Variants in ARHGAP22 observed in about 807,000 individuals in gnomAD.
The protein encoded by ARHGAP22 is rho GTPase-activating protein 22.
ARHGAP22 carries 48 observed loss-of-function variants against 59.1 expected under a neutral mutation model. The ratio of observed to expected loss-of-function variants is 0.81; its 90% CI spans 0.64 to 1.03. ARHGAP22 has a LOEUF of 1.03. Ranked by LOEUF, ARHGAP22 falls within the 50% of genes least tolerant of loss-of-function variation. ARHGAP22 has a pLI of 0.00. For missense variants in ARHGAP22, 1,015 were observed against 958.7 expected (o/e 1.06, Z -0.78); for synonymous variants, 445 against 416.4 (o/e 1.07, Z -0.84).
intron 2 of ARHGAP22, among the ~76,000 whole-genome samples, chr10:48,561,509 TA>T (rs1462696199): frequency 2.0e-5 from 3 of 152,054 alleles, no homozygotes; most frequent in Non-Finnish European, 4.4e-5. Flanking sequence ...TCATTTAAAT[TA>T]AAAAAACTGC....
intron 1 of ARHGAP22, among the ~76,000 whole-genome samples, chr10:48,641,444 C>A (rs552860658): frequency 6.6e-6 from 1 of 152,056 alleles, no homozygotes; most frequent in Non-Finnish European, 1.5e-5. Context: ...GTTCAACATA[C>A]GCAAATCAAT....
At chr10:48,516,025 A>C (rs1428606258) in intron 3 of ARHGAP22, among the ~76,000 whole-genome samples, 1 of 151,948 alleles carries the variant, frequency 6.6e-6, no homozygotes, top group African/African-American at 2.4e-5. Flanking sequence ...AAAAAAAACA[A>C]AACAAAAAAC....
At chr10:48,608,395 G>C (rs908360893), upstream of ARHGAP22, among the ~76,000 whole-genome samples, 1 of 152,190 alleles carries the variant, frequency 6.6e-6, no homozygotes, top group African/African-American at 2.4e-5. Flanking sequence ...CAGGGAGGTG[G>C]GGAGGTGTGC....
At chr10:48,627,933 A>G (rs1221894518) in intron 1 of ARHGAP22, among the ~76,000 whole-genome samples, 2 of 152,224 alleles carry the variant, frequency 1.3e-5, no homozygotes, top group African/African-American at 4.8e-5. Context: ...GAAAGGTACT[A>G]TCTATACTTT....
At chr10:48,465,234 A>C (rs1163319075) in intron 4 of ARHGAP22, among the ~76,000 whole-genome samples, 1 of 152,216 alleles carries the variant, frequency 6.6e-6, no homozygotes, top group East Asian at 1.9e-4. Context: ...TTTACAGAGC[A>C]CTGGCTCTGC....
chr10:48,654,199 T>C (rs2062668796), upstream of ARHGAP22, among the ~76,000 whole-genome samples: 1 of 152,202 alleles, frequency 6.6e-6, no homozygotes, highest in Non-Finnish European at 1.5e-5. Flanking sequence ...GTCTGGGTTT[T>C]TTTTTCCAGT....
At chr10:48,527,061 C>T (rs754038149) in intron 3 of ARHGAP22, among the ~76,000 whole-genome samples, 14 of 152,172 alleles carry the variant, frequency 9.2e-5, no homozygotes, top group Non-Finnish European at 1.9e-4. Flanking sequence ...ACAGGACAAC[C>T]GCATGAAGCA....
At chr10:48,486,483 G>C (rs1224650712) in intron 3 of ARHGAP22, among the ~76,000 whole-genome samples, 1 of 152,026 alleles carries the variant, frequency 6.6e-6, no homozygotes, top group Non-Finnish European at 1.5e-5. Flanking sequence ...TGGGATTACA[G>C]GCACGCACAC....
At position 48,519,187 on chromosome 10, in the gene ARHGAP22, G is replaced by A. The variant is rs139591295; in HGVS notation, c.322+36276C>T. Among the ~76,000 whole-genome samples, 497 of 152,250 alleles carry A rather than the reference G, an allele frequency of 3.3e-3. 1 individual carries two copies. The highest frequency in any genetic ancestry group is 0.011 in the African/African-American group (475 of 41,538). ...AATGCTGCAGCAGAACAGCAGAACC[G>A]GTCCTATCACCCAGTCAGTAACAGC... is the stretch of plus-strand genomic sequence containing the variant. On this transcript the variant is annotated intron_variant, in intron 3 of 9. Transcript: ENST00000249601.
Position 48,517,869 on chromosome 10 carries a change from G to C in ARHGAP22, c.322+37594C>G, listed in dbSNP as rs187255129. ...AGTTACGCTTGTTTCCCTCTTTCCA[G>C]ATAAAGAAACTAAAGAAACTGAGGT... On this transcript the variant is annotated intron_variant, in intron 3 of 9. Coordinates refer to ENST00000249601, the MANE Select transcript of ARHGAP22 (RefSeq NM_021226.4). Among the ~76,000 whole-genome samples the C allele has an allele frequency of 1.9e-3, 294 of 152,276 alleles. 1 individual carries two copies. The highest frequency in any genetic ancestry group is 6.9e-3 in the African/African-American group (287 of 41,562).
At chr10:48,646,332 G>A (rs2062296121) in intron 1 of ARHGAP22, among the ~76,000 whole-genome samples, 1 of 152,124 alleles carries the variant, frequency 6.6e-6, no homozygotes. Flanking sequence ...GGAGAAATTG[G>A]CATGCTAATT....
intron 2 of ARHGAP22, among the ~76,000 whole-genome samples, chr10:48,569,784 T>C (rs552255056): frequency 3.2e-4 from 48 of 152,288 alleles, no homozygotes; most frequent in Admixed American, 3.1e-3. Context: ...TTGTAGGCAG[T>C]ATAGCTCTGG....
Position 48,446,038 on chromosome 10 carries a change from C to T in ARHGAP22, c.*353G>A, listed in dbSNP as rs1015224916. ...ATGAGCCAGGTAACAAGGCACCATGCTTTGTGAGCACATTTAATAAAGAAA... is the reference window on the plus strand; with the variant it reads ...ATGAGCCAGGTAACAAGGCACCATGTTTTGTGAGCACATTTAATAAAGAAA... On this transcript the variant is annotated 3_prime_UTR_variant, in exon 10 of 10. Transcript: ENST00000249601. The T allele has an allele frequency of 8.7e-5, 28 of 320,674 alleles. No homozygotes were observed. Among genetic ancestry groups the T allele is most frequent in the African/African-American group, 5.7e-4 (27 of 47,510 alleles). The allele number at this position is 320,674 out of a possible 1,614,324, so 19.9% of individuals were successfully genotyped here.
chr10:48,568,216 T>C (rs2058170506), intron 2 of ARHGAP22, among the ~76,000 whole-genome samples: 1 of 152,184 alleles, frequency 6.6e-6, no homozygotes, highest in Non-Finnish European at 1.5e-5. Flanking sequence ...TAGTACGCAC[T>C]TCCTGCCTCA....
At chr10:48,596,705 G>C (rs920785447) in intron 1 of ARHGAP22, among the ~76,000 whole-genome samples, 1 of 152,206 alleles carries the variant, frequency 6.6e-6, no homozygotes, top group African/African-American at 2.4e-5. Flanking sequence ...CAGCCTGTTG[G>C]ACCTCTTCCA....
At chr10:48,584,893 C>T (rs2059333636) in intron 1 of ARHGAP22, among the ~76,000 whole-genome samples, 1 of 151,658 alleles carries the variant, frequency 6.6e-6, no homozygotes, top group African/African-American at 2.4e-5. Flanking sequence ...ACTCGGGAGG[C>T]TGAGGCAGGA....
At chr10:48,542,014 T>C (rs1158690422) in intron 3 of ARHGAP22, among the ~76,000 whole-genome samples, 1 of 152,188 alleles carries the variant, frequency 6.6e-6, no homozygotes, top group African/African-American at 2.4e-5. Context: ...GGCCGGGTGC[T>C]GGAGGGAAGA....
intron 1 of ARHGAP22, among the ~76,000 whole-genome samples, chr10:48,590,091 G>A (rs2059658736): frequency 6.6e-6 from 1 of 152,024 alleles, no homozygotes; most frequent in African/African-American, 2.4e-5. Context: ...TGGGTGGAGG[G>A]GTGAGGGTAC....
intron 2 of ARHGAP22, among the ~76,000 whole-genome samples, chr10:48,577,800 G>GTTTTTTTTTTT (rs2058824590): frequency 4.8e-5 from 2 of 41,962 alleles, no homozygotes; most frequent in East Asian, 3.6e-3. Flanking sequence ...GCTCTTTTTT[G>GTTTTTTTTTTT]GTTTTTTTTT....
Sources: allele counts gnomAD v4.1 joint callset (sites outside exome capture counted in the v4.1 genomes callset), GRCh38; gene constraint gnomAD v4.1.1; transcripts MANE v1.5; gene names NCBI Gene and HGNC (gene_info 2026-07-23, HGNC 2026-07-21).